The following CSMD2 variants were observed in gnomAD, a reference collection of about 807,000 sequenced individuals.
The protein encoded by CSMD2 is CUB and sushi domain-containing protein 2.
A neutral mutation model predicts 398.5 loss-of-function variants in CSMD2; 130 were observed. The observed-to-expected ratio is 0.33, with a 90% CI of 0.28 to 0.38. The LOEUF (loss-of-function observed/expected upper bound fraction) is 0.38. Ranked by LOEUF, CSMD2 falls within the 10% of genes least tolerant of loss-of-function variation. CSMD2 has a pLI of 1.00. For synonymous variants in CSMD2, 1,828 were observed against 1,908.5 expected (o/e 0.96, Z 1.10); for missense variants, 3,829 against 4,764.9 (o/e 0.80, Z 5.78).
intron 2 of CSMD2, among the ~76,000 whole-genome samples, chr1:34,043,315 A>G (rs1412851431): frequency 2.0e-5 from 3 of 152,128 alleles, no homozygotes; most frequent in African/African-American, 7.2e-5. Flanking sequence ...TTTGCCACCC[A>G]GGCGGCCTCC....
chr1:33,528,737 T>A (rs1655000101), intron 64 of CSMD2, among the ~76,000 whole-genome samples: 1 of 152,208 alleles, frequency 6.6e-6, no homozygotes, highest in Admixed American at 6.5e-5. Flanking sequence ...CAGTAATGGG[T>A]TGAATTCAGC....
intron 3 of CSMD2, among the ~76,000 whole-genome samples, chr1:33,980,244 A>G (rs1646119481): frequency 6.6e-6 from 1 of 152,198 alleles, no homozygotes; most frequent in Admixed American, 6.5e-5. Flanking sequence ...TTAGAACCCA[A>G]ATCCCTCTCT....
chr1:34,089,262 G>A, intron 1 of CSMD2, 69 bp from the exon 2 acceptor site: 1 of 1,428,012 alleles, frequency 7.0e-7, no homozygotes, highest in South Asian at 1.2e-5. Context: ...AGAGTCAGGA[G>A]CAATGTGTTA....
At chr1:34,052,164 T>C (rs1285050688) in intron 2 of CSMD2, among the ~76,000 whole-genome samples, 1 of 115,026 alleles carries the variant, frequency 8.7e-6, no homozygotes, top group African/African-American at 4.3e-5. Flanking sequence ...ATAAAGCATA[T>C]GTATACACAC....
chr1:33,564,355 C>G (rs1413155770), intron 53 of CSMD2, among the ~76,000 whole-genome samples: 1 of 152,214 alleles, frequency 6.6e-6, no homozygotes, highest in Non-Finnish European at 1.5e-5. Context: ...ACTTCACTCA[C>G]TGCCTTTGAA....
chr1:34,125,008 G>A (rs1662592182), intron 1 of CSMD2, among the ~76,000 whole-genome samples: 1 of 152,108 alleles, frequency 6.6e-6, no homozygotes, highest in Non-Finnish European at 1.5e-5. Flanking sequence ...GAATGAGTGT[G>A]TCAATCATCA....
At chr1:33,825,306 G>C (rs1389072686) in intron 7 of CSMD2, among the ~76,000 whole-genome samples, 1 of 152,206 alleles carries the variant, frequency 6.6e-6, no homozygotes, top group African/African-American at 2.4e-5. Flanking sequence ...CTGGAACTGG[G>C]GCCCTACAGC....
chr1:33,856,809 A>C (rs1275081062), intron 5 of CSMD2, among the ~76,000 whole-genome samples: 1 of 151,942 alleles, frequency 6.6e-6, no homozygotes, highest in African/African-American at 2.4e-5. Flanking sequence ...GCTGAGTTCT[A>C]ATCCTGCCTT....
chr1:33,800,996 G>A (rs1400637048), intron 10 of CSMD2, among the ~76,000 whole-genome samples: 1 of 151,336 alleles, frequency 6.6e-6, no homozygotes, highest in East Asian at 1.9e-4. Context: ...GGGCCAACGA[G>A]TATGTCCCTG....
chr1:34,080,484 C>G (rs1021464762), intron 2 of CSMD2, among the ~76,000 whole-genome samples: 1 of 151,942 alleles, frequency 6.6e-6, no homozygotes, highest in African/African-American at 2.4e-5. Context: ...GGAAACAAGT[C>G]AACAAATTCT....
chr1:33,559,361 C>A lies in CSMD2; in HGVS notation c.8493G>T (p.Gly2831=). 2.6e-6 allele frequency: 4 copies of A among 1,536,046 alleles called. No individual in the cohort carries two copies. Among genetic ancestry groups the A allele is most frequent in the Non-Finnish European group, 3.5e-6 (4 of 1,146,912 alleles). The change falls in exon 54 of 71, where the codon GGG becomes GGT. Residue 2831 remains glycine (G), a synonymous_variant. Coordinates refer to ENST00000373381, the MANE Select transcript of CSMD2 (RefSeq NM_001281956.2). The surrounding 1 kb of genome is among the most constrained non-coding windows in gnomAD (Gnocchi z 4.0). ...FVCNPGYMAE[G]AARSQCLASG... is the part of the protein sequence containing the mutation. ...TGGCCAGGCATTGGGACCTAGCAGCCCCCTCAGCCATATACCCAGGGTTGC... is the reference window on the plus strand; with the variant it reads ...TGGCCAGGCATTGGGACCTAGCAGCACCCTCAGCCATATACCCAGGGTTGC...
At chr1:33,547,312 G>A (rs1451577602) in intron 56 of CSMD2, among the ~76,000 whole-genome samples, 1 of 152,234 alleles carries the variant, frequency 6.6e-6, no homozygotes, top group Non-Finnish European at 1.5e-5. Context: ...ATACAGAAAT[G>A]TGTAGGAGAT....
intron 2 of CSMD2, among the ~76,000 whole-genome samples, chr1:34,067,961 C>T (rs979254036): frequency 2.6e-5 from 4 of 152,200 alleles, no homozygotes; most frequent in African/African-American, 4.8e-5. Context: ...CAGAGAGCTA[C>T]AGCCCCACTG....
chr1:33,829,426 A>T (rs1659214423), intron 6 of CSMD2, among the ~76,000 whole-genome samples: 1 of 152,224 alleles, frequency 6.6e-6, no homozygotes, highest in African/African-American at 2.4e-5. Flanking sequence ...AGTTCAGGGT[A>T]CATGTGCACA....
chr1:33,570,439 C>A (rs1290461706), intron 51 of CSMD2, among the ~76,000 whole-genome samples: 1 of 151,498 alleles, frequency 6.6e-6, no homozygotes, highest in African/African-American at 2.4e-5. Flanking sequence ...CTCTCAAATG[C>A]TGGGATCTAT....
intron 59 of CSMD2, among the ~76,000 whole-genome samples, 160 bp from the exon 60 acceptor site, chr1:33,540,858 T>C (rs1452364195): frequency 2.0e-5 from 3 of 152,150 alleles, no homozygotes; most frequent in Admixed American, 2.0e-4. Context: ...TCTGATCTTT[T>C]TGCACCTTAC....
At chr1:33,802,643 GA>G (rs2124928164) in intron 10 of CSMD2, among the ~76,000 whole-genome samples, 2 of 152,268 alleles carry the variant, frequency 1.3e-5, no homozygotes, top group Non-Finnish European at 2.9e-5. Flanking sequence ...CCATGACTAT[GA>G]GGAGAGCAAG....
intron 25 of CSMD2, among the ~76,000 whole-genome samples, chr1:33,691,740 C>T (rs1054390897): frequency 6.6e-6 from 1 of 152,172 alleles, no homozygotes; most frequent in African/African-American, 2.4e-5. Context: ...TGCTCAAGAA[C>T]CTTCCATGGC....
intron 53 of CSMD2, 94 bp downstream of exon 53, chr1:33,567,499 A>ATAT (rs1284357279): frequency 1.2e-5 from 12 of 1,014,270 alleles, no homozygotes; most frequent in African/African-American, 3.2e-5. Flanking sequence ...ATATATATTT[A>ATAT]AAACAAACCT....
Sources: gnomAD v4.1 joint callset for allele counts (sites outside exome capture counted in the v4.1 genomes callset) on GRCh38, gnomAD v4.1.1 for gene constraint, Gnocchi (gnomAD v3.1) non-coding constraint, MANE v1.5 for transcripts, NCBI Gene and HGNC (gene_info 2026-07-23, HGNC 2026-07-21) for gene names.